The following HS3ST5 variants were observed in gnomAD, a reference collection of about 807,000 sequenced individuals.
The protein encoded by HS3ST5 is heparan sulfate-glucosamine 3-sulfotransferase 5, also known as heparan sulfate glucosamine 3-O-sulfotransferase 5.
In HS3ST5, 10 loss-of-function variants were observed where a neutral mutation model predicts 25.4. The observed-to-expected ratio is 0.39, with a 90% CI of 0.24 to 0.67. The LOEUF is 0.67. Ranked by LOEUF, HS3ST5 falls within the 30% of genes least tolerant of loss-of-function variation. The pLI is 0.44. For synonymous variants in HS3ST5, 170 were observed against 162.4 expected (o/e 1.05, Z -0.36); for missense variants, 324 against 420.7 (o/e 0.77, Z 2.01).
chr6:114,147,817 G>A (rs2114951957), intron 3 of HS3ST5, among the ~76,000 whole-genome samples: 1 of 152,234 alleles, frequency 6.6e-6, no homozygotes, highest in African/African-American at 2.4e-5. Flanking sequence ...CTGACCTCAA[G>A]TGATTCTCCC....
rs776941222 is a variant in HS3ST5, at chr6:114,057,438, T to G, written c.860A>C (p.Asn287Thr). ...PRISQYNLYF[N>T]ATRGFYCLRF... The stretch of plus-strand genomic sequence containing the variant: ...CAAGCAGTAAAACCCTCTGGTAGCA[T>G]TGAAGTATAAATTGTATTGACTTAT... The change falls in exon 5 of 5, where the codon AAT (asparagine) becomes ACT (threonine). Residue 287 changes from asparagine to threonine, a missense_variant. Asn to Thr is a moderately conservative substitution (Grantham distance 65). Around this residue, in one of 2 missense-constraint regions of HS3ST5, gnomAD observed 203 missense variants for 303.4 expected, o/e 0.67. Coordinates refer to ENST00000312719, the MANE Select transcript of HS3ST5 (RefSeq NM_153612.4). 6.2e-7 allele frequency: 1 copy of G among 1,614,162 alleles called. No individual in the cohort carries two copies. Among genetic ancestry groups the G allele is most frequent in the South Asian group, 1.1e-5 (1 of 91,080 alleles).
intron 1 of HS3ST5, among the ~76,000 whole-genome samples, chr6:114,231,992 A>G (rs1408920565): frequency 6.6e-6 from 1 of 152,204 alleles, no homozygotes; most frequent in Non-Finnish European, 1.5e-5. Flanking sequence ...CATTTCAGTT[A>G]TATGTGAATC....
intron 3 of HS3ST5, among the ~76,000 whole-genome samples, chr6:114,113,344 C>T (rs974112379): frequency 6.6e-6 from 1 of 152,088 alleles, no homozygotes; most frequent in African/African-American, 2.4e-5. Context: ...CTCTAGCATG[C>T]GCTACGAAAA....
At chr6:114,237,461 C>T (rs918918776) in intron 1 of HS3ST5, among the ~76,000 whole-genome samples, 5 of 151,828 alleles carry the variant, frequency 3.3e-5, no homozygotes, top group Admixed American at 2.6e-4. Flanking sequence ...ATATAAAAAG[C>T]GGTTGGATTA....
chr6:114,187,869 C>T (rs1780300084), intron 2 of HS3ST5, among the ~76,000 whole-genome samples: 1 of 152,092 alleles, frequency 6.6e-6, no homozygotes, highest in Non-Finnish European at 1.5e-5. Context: ...CAGACCTGAC[C>T]AGTCAGCCAT....
intron 1 of HS3ST5, among the ~76,000 whole-genome samples, chr6:114,247,721 C>A (rs1019498365): frequency 5.3e-5 from 8 of 151,604 alleles, no homozygotes; most frequent in Non-Finnish European, 4.4e-5. Context: ...AGCATTGCTG[C>A]ATCTCATATT....
At chr6:114,233,813 C>T (rs1771725613) in intron 1 of HS3ST5, among the ~76,000 whole-genome samples, 1 of 152,100 alleles carries the variant, frequency 6.6e-6, no homozygotes, top group Non-Finnish European at 1.5e-5. Context: ...AAAGGATCTT[C>T]AGAGATTCAA....
intron 1 of HS3ST5, among the ~76,000 whole-genome samples, chr6:114,297,889 T>C (rs937690440): frequency 1.3e-5 from 2 of 152,250 alleles, no homozygotes; most frequent in African/African-American, 2.4e-5. Flanking sequence ...AACTGGAACA[T>C]GCTTTTAGGA....
intron 1 of HS3ST5, among the ~76,000 whole-genome samples, chr6:114,233,179 T>C (rs927173674): frequency 6.6e-6 from 1 of 152,110 alleles, no homozygotes. Context: ...TCTTAAATCA[T>C]GAAGCACCTT....
chr6:114,306,256 T>TATATGTACAC (rs756494412), intron 1 of HS3ST5, among the ~76,000 whole-genome samples: 1 of 115,420 alleles, frequency 8.7e-6, no homozygotes, highest in Non-Finnish European at 2.0e-5. Context: ...TATATATATA[T>TATATGTACAC]ACACACACAC....
At position 114,058,175 on chromosome 6, in the gene HS3ST5, G is replaced by C; in HGVS notation, c.123C>G (p.Cys41Trp). 1.9e-6 allele frequency: 3 copies of C among 1,605,282 alleles called. No individual in the cohort carries two copies. The highest frequency in any genetic ancestry group is 1.7e-6 in the Non-Finnish European group (2 of 1,173,614). Reference protein sequence around the residue: ...VGSLDRLQPICPIEGRLGGAR... With the variant: ...VGSLDRLQPIWPIEGRLGGAR... ...CTCCACCCAGTCGACCTTCAATGGG[G>C]CAAATGGGTTGTAGCCTGCAAGCAA... The change falls in exon 5 of 5, where the codon TGC becomes TGG. Residue 41 changes from cysteine (C) to tryptophan (W), a missense_variant. Physicochemically the swap from Cys to Trp is radical, Grantham distance 215. This residue lies in a region of HS3ST5 where 121 missense variants were observed against 117.3 expected (regional missense o/e 1.03). Coordinates refer to ENST00000312719, the MANE Select transcript of HS3ST5 (RefSeq NM_153612.4).
intron 1 of HS3ST5, among the ~76,000 whole-genome samples, chr6:114,306,561 A>G (rs1384817286): frequency 6.6e-6 from 1 of 151,996 alleles, no homozygotes; most frequent in African/African-American, 2.4e-5. Flanking sequence ...TCTATATTTT[A>G]GCTGTGAAGT....
intron 3 of HS3ST5, among the ~76,000 whole-genome samples, chr6:114,086,433 G>C (rs1486572371): frequency 2.0e-5 from 3 of 152,264 alleles, no homozygotes; most frequent in Non-Finnish European, 2.9e-5. Flanking sequence ...CAAGAAAACC[G>C]GGACCTCATT....
chr6:114,245,982 G>A (rs999427934), intron 1 of HS3ST5, among the ~76,000 whole-genome samples: 4 of 152,140 alleles, frequency 2.6e-5, no homozygotes, highest in South Asian at 2.1e-4. Context: ...ATCTCATGAC[G>A]CCACTGAAAC....
intron 3 of HS3ST5, among the ~76,000 whole-genome samples, chr6:114,145,302 A>G (rs746713993): frequency 2.6e-5 from 4 of 152,162 alleles, no homozygotes; most frequent in Non-Finnish European, 4.4e-5. Flanking sequence ...AAATTTCATC[A>G]TCTCTCCAGG....
At chr6:114,098,944 A>G (rs1415408623) in intron 3 of HS3ST5, among the ~76,000 whole-genome samples, 1 of 152,144 alleles carries the variant, frequency 6.6e-6, no homozygotes, top group African/African-American at 2.4e-5. Flanking sequence ...TGCCAACACA[A>G]TGAACTATAA....
chr6:114,121,471 TAAGCAAAAA>T (rs1210185216), intron 3 of HS3ST5, among the ~76,000 whole-genome samples: 1 of 152,068 alleles, frequency 6.6e-6, no homozygotes, highest in African/African-American at 2.4e-5. Flanking sequence ...AATTTCTTAA[TAAGCAAAAA>T]AAGGAAAAAT....
At chr6:114,236,811 G>A (rs1771877823) in intron 1 of HS3ST5, among the ~76,000 whole-genome samples, 1 of 152,040 alleles carries the variant, frequency 6.6e-6, no homozygotes, top group Admixed American at 6.6e-5. Flanking sequence ...TGTAACAATC[G>A]GTACTGCAAT....
intron 1 of HS3ST5, among the ~76,000 whole-genome samples, chr6:114,272,602 A>G (rs1773682671): frequency 6.6e-6 from 1 of 152,110 alleles, no homozygotes; most frequent in African/African-American, 2.4e-5. Flanking sequence ...ACTCCATAGT[A>G]CATAGTCACT....
Sources: allele counts gnomAD v4.1 joint callset (sites outside exome capture counted in the v4.1 genomes callset), GRCh38; gene constraint gnomAD v4.1.1; regional missense constraint gnomAD v4.1.1; transcripts MANE v1.5; gene names NCBI Gene and HGNC (gene_info 2026-07-23, HGNC 2026-07-21).